GALNT17: variants seen among roughly 807,000 people sequenced by gnomAD.
GALNT17 encodes the protein polypeptide N-acetylgalactosaminyltransferase 17.
Under a neutral mutation model 63.7 loss-of-function variants are expected in GALNT17, and 29 were observed. The observed-to-expected ratio is 0.46, with a 90% CI of 0.34 to 0.62. The LOEUF (loss-of-function observed/expected upper bound fraction) is 0.62, where lower values mean the gene tolerates loss of function less well. Among genes scored for constraint, GALNT17 ranks in the 20% least tolerant of loss-of-function variants. The pLI, the probability that GALNT17 is intolerant of heterozygous loss-of-function variation, is 0.01. For synonymous variants in GALNT17, 305 were observed against 318.3 expected (o/e 0.96, Z 0.45); for missense variants, 603 against 799.6 (o/e 0.75, Z 2.97).
At chr7:71,300,145 C>A (rs950813083) in intron 1 of GALNT17, among the ~76,000 whole-genome samples, 1 of 152,110 alleles carries the variant, frequency 6.6e-6, no homozygotes, top group Non-Finnish European at 1.5e-5. Context: ...TGCCTGACAC[C>A]GGAGGGGGAA....
At chr7:71,637,841 C>T (rs1202807286) in intron 6 of GALNT17, among the ~76,000 whole-genome samples, 3 of 152,162 alleles carry the variant, frequency 2.0e-5, no homozygotes, top group African/African-American at 4.8e-5. Flanking sequence ...GGCCAAGAGA[C>T]GGTTCCTGGA....
At chr7:71,602,226 AG>A (rs1175461479) in intron 6 of GALNT17, among the ~76,000 whole-genome samples, 1 of 152,242 alleles carries the variant, frequency 6.6e-6, no homozygotes, top group Non-Finnish European at 1.5e-5. Context: ...TCATCTACAA[AG>A]AGAAATGATG....
intron 6 of GALNT17, among the ~76,000 whole-genome samples, chr7:71,632,561 A>G (rs1487219524): frequency 6.6e-6 from 1 of 152,050 alleles, no homozygotes; most frequent in Non-Finnish European, 1.5e-5. Flanking sequence ...GAATACATCT[A>G]ATGCATCTGT....
At chr7:71,449,108 C>CTTTTTTTTATTTT (rs1787211523) in intron 5 of GALNT17, among the ~76,000 whole-genome samples, 1 of 72,754 alleles carries the variant, frequency 1.4e-5, no homozygotes, top group Non-Finnish European at 2.3e-5. Context: ...TGCCTATTTT[C>CTTTTTTTTATTTT]TTTTTTTTTT....
intron 5 of GALNT17, among the ~76,000 whole-genome samples, chr7:71,494,302 G>C (rs143826050): frequency 1.2e-4 from 18 of 152,080 alleles, no homozygotes; most frequent in Non-Finnish European, 2.4e-4. Flanking sequence ...CCATCAACAC[G>C]TGGGGATTAT....
chr7:71,616,050 GTGTC>G (rs1438159524), intron 6 of GALNT17, among the ~76,000 whole-genome samples: 1 of 152,050 alleles, frequency 6.6e-6, no homozygotes, highest in Non-Finnish European at 1.5e-5. Flanking sequence ...GCGAGACTGA[GTGTC>G]TGTAAGATTG....
chr7:71,411,543 C>T (rs1342411384), intron 3 of GALNT17, among the ~76,000 whole-genome samples: 1 of 152,140 alleles, frequency 6.6e-6, no homozygotes, highest in African/African-American at 2.4e-5. Context: ...TGGGCTCTTG[C>T]ACCCCACCTC....
intron 6 of GALNT17, among the ~76,000 whole-genome samples, chr7:71,621,223 T>C (rs1790284184): frequency 6.6e-6 from 1 of 152,060 alleles, no homozygotes; most frequent in Non-Finnish European, 1.5e-5. Context: ...TTTTTTTTTC[T>C]CCCTTGCCTT....
At chr7:71,588,660 C>G (rs578071782) in intron 6 of GALNT17, among the ~76,000 whole-genome samples, 87 of 152,324 alleles carry the variant, frequency 5.7e-4, no homozygotes, top group Non-Finnish European at 1.1e-3. Flanking sequence ...ACCCAGCACT[C>G]TCTTGGGCCT....
At chr7:71,515,794 A>G (rs1788435314) in intron 5 of GALNT17, among the ~76,000 whole-genome samples, 1 of 152,246 alleles carries the variant, frequency 6.6e-6, no homozygotes, top group Non-Finnish European at 1.5e-5. Flanking sequence ...CCAGATAAAA[A>G]GAGACAAAAA....
At chr7:71,355,863 T>G (rs1222934007) in intron 2 of GALNT17, among the ~76,000 whole-genome samples, 1 of 152,122 alleles carries the variant, frequency 6.6e-6, no homozygotes, top group Admixed American at 6.6e-5. Context: ...CCCCTGAGGT[T>G]GAGAAGATGT....
chr7:71,416,130 G>A, intron 4 of GALNT17, 67 bp downstream of exon 4: 1 of 1,524,338 alleles, frequency 6.6e-7, no homozygotes. Context: ...GCTGGAATCT[G>A]GGAGGTGGGA....
chr7:71,264,074 C>T (rs916915093), intron 1 of GALNT17, among the ~76,000 whole-genome samples: 11 of 152,178 alleles, frequency 7.2e-5, no homozygotes, highest in Non-Finnish European at 1.0e-4. Context: ...CACTTGCAAG[C>T]CTGGAGGTGG....
chr7:71,711,381 G>T (rs1791789517), intron 10 of GALNT17, among the ~76,000 whole-genome samples: 1 of 151,940 alleles, frequency 6.6e-6, no homozygotes, highest in Non-Finnish European at 1.5e-5. Context: ...CCCAGAGGAG[G>T]TCCTCATGCT....
At chr7:71,232,251 T>C (rs923059351) in intron 1 of GALNT17, among the ~76,000 whole-genome samples, 13 of 152,186 alleles carry the variant, frequency 8.5e-5, no homozygotes, top group Non-Finnish European at 1.3e-4. Flanking sequence ...CTTAGATTTC[T>C]TGTTCTTTCT....
chr7:71,255,628 G>A (rs895394105), intron 1 of GALNT17, among the ~76,000 whole-genome samples: 1 of 152,306 alleles, frequency 6.6e-6, no homozygotes, highest in Non-Finnish European at 1.5e-5. Flanking sequence ...GAAAATGCTT[G>A]TGAGTTCAGG....
At position 71,650,289 on chromosome 7, in the gene GALNT17, G is replaced by A. The variant is rs146020775; in HGVS notation, c.1081-15122G>A. On this transcript the variant is annotated intron_variant, in intron 6 of 10. Coordinates refer to ENST00000333538, the MANE Select transcript of GALNT17 (RefSeq NM_022479.3). ...GAGATGGAGTCTCACTCACTCTGTC[G>A]CCGAGGCTGGAGCACAGTGGCATGA... Among the ~76,000 whole-genome samples the A allele has an allele frequency of 1.1e-3, 174 of 152,240 alleles. 1 individual carries two copies. The highest frequency in any genetic ancestry group is 2.0e-3 in the Non-Finnish European group (133 of 68,026).
At chr7:71,449,103 A>ATTTTT (rs1583963031) in intron 5 of GALNT17, among the ~76,000 whole-genome samples, 4 of 45,616 alleles carry the variant, frequency 8.8e-5, no homozygotes, top group Non-Finnish European at 8.6e-5. Context: ...ACAGCTGCCT[A>ATTTTT]TTTTCTTTTT....
rs1488240548 is a variant in GALNT17, at chr7:71,683,998, C to T, written c.1500+6692C>T. 2.6e-5 allele frequency among the ~76,000 whole-genome samples: 3 copies of T among 115,580 alleles called. No homozygotes were observed. In the Admixed American group the frequency reaches 3.0e-4, roughly 12 times the overall value. The allele number at this position is 115,580 out of a possible 152,430, so 75.8% of individuals were successfully genotyped here. On this transcript the variant is annotated intron_variant, in intron 9 of 10. Transcript: ENST00000333538. ...CACTCCAGCCTGGGCAACAGAGCAA[C>T]ACTCTGTCTCAAAAAAAAAAAAAAA... is the stretch of plus-strand genomic sequence containing the variant.
Sources: gnomAD v4.1 joint callset for allele counts (sites outside exome capture counted in the v4.1 genomes callset) on GRCh38, gnomAD v4.1.1 for gene constraint, MANE v1.5 for transcripts, NCBI Gene and HGNC (gene_info 2026-07-23, HGNC 2026-07-21) for gene names.